ACVR1: variants seen among roughly 807,000 people sequenced by gnomAD.
ACVR1 encodes the protein activin A receptor type 1, also known as activin receptor type-1.
A neutral mutation model predicts 57.1 loss-of-function variants in ACVR1; 38 were observed. The observed-to-expected ratio is 0.67, with a 90% CI of 0.51 to 0.87. The LOEUF (loss-of-function observed/expected upper bound fraction) is 0.87, where lower values mean the gene tolerates loss of function less well. Ranked by LOEUF, ACVR1 falls within the 40% of genes least tolerant of loss-of-function variation. The pLI is 0.00. For missense variants in ACVR1, 463 were observed against 638.2 expected, an observed-to-expected ratio of 0.73 and a Z score of 2.96; for synonymous variants, 212 against 228.1, an observed-to-expected ratio of 0.93 and a Z score of 0.63.
At chr2:157,763,758 A>G (rs79382447) in intron 8 of ACVR1, among the ~76,000 whole-genome samples, 1,527 of 152,274 alleles carry the variant, frequency 0.01, 13 homozygotes, top group Middle Eastern at 0.034. Context: ...ATCATAGAAC[A>G]CTATTTCTAA....
intron 2 of ACVR1, among the ~76,000 whole-genome samples, chr2:157,808,464 A>G (rs987296416): frequency 7.2e-5 from 11 of 152,176 alleles, no homozygotes; most frequent in Admixed American, 7.2e-4. Flanking sequence ...GATAAATTAA[A>G]AGATATCATT....
At chr2:157,799,399 T>C in intron 3 of ACVR1, 28 bp downstream of exon 3, 1 of 1,582,278 alleles carries the variant, frequency 6.3e-7, no homozygotes, top group South Asian at 1.1e-5. Flanking sequence ...TATACTTATC[T>C]TAACCCAAAA....
chr2:157,844,865 C>G (rs566637681), intron 1 of ACVR1, among the ~76,000 whole-genome samples: 21 of 152,154 alleles, frequency 1.4e-4, no homozygotes, highest in African/African-American at 4.3e-4. Context: ...CTCCCTGGGC[C>G]CCCCCTTCCA....
At chr2:157,837,586 C>T (rs1224323656) in intron 1 of ACVR1, among the ~76,000 whole-genome samples, 4 of 152,142 alleles carry the variant, frequency 2.6e-5, no homozygotes, top group African/African-American at 9.7e-5. Context: ...ACTGTTCTGT[C>T]AAAGTTTAAG....
rs17191269 is a variant in ACVR1 at position 157,842,842 on chromosome 2, G to A, written c.-182-24283C>T. Among the ~76,000 whole-genome samples the A allele has an allele frequency of 2.5e-3, 388 of 152,220 alleles. 1 individual carries two copies. The highest frequency in any genetic ancestry group is 4.6e-3 in the South Asian group (22 of 4,828). On this transcript the variant is annotated intron_variant, in intron 1 of 10. Transcript: ENST00000434821. ...ACTCTGGGCAGGGGACTGTTCTAAG[G>A]TTCATCTACTATGATTTTTTTTCTT...
chr2:157,859,610 T>C (rs945466823), intron 1 of ACVR1, among the ~76,000 whole-genome samples: 1 of 152,172 alleles, frequency 6.6e-6, no homozygotes, highest in Admixed American at 6.6e-5. Flanking sequence ...CCTGCAGTTA[T>C]CAGATTCTCC....
intron 2 of ACVR1, among the ~76,000 whole-genome samples, chr2:157,810,503 A>G (rs1687713502): frequency 6.6e-6 from 1 of 152,212 alleles, no homozygotes; most frequent in East Asian, 1.9e-4. Context: ...CTCCCTTAAT[A>G]TGTAATTCAA....
chr2:157,739,614 T>C (rs1008026354), intron 9 of ACVR1, among the ~76,000 whole-genome samples: 12 of 152,056 alleles, frequency 7.9e-5, no homozygotes, highest in Admixed American at 3.3e-4. Context: ...TAAGAAGTTG[T>C]TGGAGGCGAC....
intron 1 of ACVR1, among the ~76,000 whole-genome samples, chr2:157,864,959 T>A (rs569263781): frequency 4.9e-4 from 74 of 150,940 alleles, no homozygotes; most frequent in African/African-American, 1.2e-3. Flanking sequence ...TTTTTTTTTT[T>A]AAAAAGGTGA....
intron 9 of ACVR1, among the ~76,000 whole-genome samples, chr2:157,750,911 A>T (rs1026314971): frequency 6.6e-6 from 1 of 152,142 alleles, no homozygotes. Flanking sequence ...AAAAAAAATC[A>T]AACAGAGGTT....
At chr2:157,865,828 A>ATAGT (rs1318111519) in intron 1 of ACVR1, among the ~76,000 whole-genome samples, 1 of 144,278 alleles carries the variant, frequency 6.9e-6, no homozygotes, top group African/African-American at 2.6e-5. Flanking sequence ...AAAAAGATAG[A>ATAGT]TAGATAGATA....
chr2:157,842,732 C>A (rs1355038104), intron 1 of ACVR1, among the ~76,000 whole-genome samples: 1 of 152,154 alleles, frequency 6.6e-6, no homozygotes, highest in African/African-American at 2.4e-5. Context: ...ATTTTATGTT[C>A]CTGCTTCCCC....
chr2:157,865,137 TG>T (rs1689870462), intron 1 of ACVR1, among the ~76,000 whole-genome samples: 1 of 149,154 alleles, frequency 6.7e-6, no homozygotes, highest in Non-Finnish European at 1.5e-5. Context: ...CTCCATTTAC[TG>T]GAAGGACCAA....
intron 5 of ACVR1, among the ~76,000 whole-genome samples, chr2:157,776,764 G>A (rs1292963527): frequency 2.0e-5 from 3 of 152,212 alleles, no homozygotes; most frequent in African/African-American, 7.2e-5. Flanking sequence ...GTGAGGGGAA[G>A]TCTTCTCCAG....
At chr2:157,799,341 G>T in intron 3 of ACVR1, 86 bp downstream of exon 3, 1 of 888,928 alleles carries the variant, frequency 1.1e-6, no homozygotes, top group Non-Finnish European at 1.9e-6. Flanking sequence ...TTTTAAGTTT[G>T]ATAGGCTTAA....
At chr2:157,805,461 T>C (rs1183686176) in intron 2 of ACVR1, among the ~76,000 whole-genome samples, 4 of 152,204 alleles carry the variant, frequency 2.6e-5, no homozygotes, top group South Asian at 2.1e-4. Flanking sequence ...TTGCTCACCA[T>C]TGGTAAGGGC....
chr2:157,777,255 A>G (rs1382710724), intron 5 of ACVR1, among the ~76,000 whole-genome samples: 1 of 152,208 alleles, frequency 6.6e-6, no homozygotes, highest in Admixed American at 6.5e-5. Flanking sequence ...TAATTTTTTA[A>G]TGTATAAATA....
At chr2:157,770,578 T>G in intron 6 of ACVR1, 64 bp from the exon 7 acceptor site, 3 of 1,540,766 alleles carry the variant, frequency 1.9e-6, no homozygotes, top group East Asian at 4.5e-5. Flanking sequence ...CAGCCCATCA[T>G]TAAGAATAAT....
chr2:157,793,478 G>A (rs974100003), intron 3 of ACVR1, among the ~76,000 whole-genome samples: 5 of 152,122 alleles, frequency 3.3e-5, no homozygotes, highest in Admixed American at 3.3e-4. Flanking sequence ...AACTAGTATA[G>A]GATCATTTTG....
Sources: allele counts gnomAD v4.1 joint callset (sites outside exome capture counted in the v4.1 genomes callset), GRCh38; gene constraint gnomAD v4.1.1; transcripts MANE v1.5; gene names NCBI Gene and HGNC (gene_info 2026-07-23, HGNC 2026-07-21).